The following ARHGEF38 variants were observed in gnomAD, a reference collection of about 807,000 sequenced individuals.
The protein encoded by ARHGEF38 is Rho guanine nucleotide exchange factor 38.
ARHGEF38 carries 79 observed loss-of-function variants against 79.9 expected under a neutral mutation model. The ratio of observed to expected loss-of-function variants is 0.99; its 90% CI spans 0.82 to 1.19. The LOEUF (loss-of-function observed/expected upper bound fraction) is 1.19, where lower values mean the gene tolerates loss of function less well. ARHGEF38 is among the 50% of genes most tolerant of loss of function. The pLI, the probability that ARHGEF38 is intolerant of heterozygous loss-of-function variation, is 0.00. For missense variants in ARHGEF38, 962 were observed against 907.2 expected, an observed-to-expected ratio of 1.06 and a Z score of -0.78; for synonymous variants, 366 against 328.3, an observed-to-expected ratio of 1.11 and a Z score of -1.24.
chr4:105,654,042 A>T, intron 7 of ARHGEF38, 23 bp from the exon 8 acceptor site: 1 of 1,321,334 alleles, frequency 7.6e-7, no homozygotes, highest in Admixed American at 2.3e-5. Flanking sequence ...TGAGTTATGA[A>T]AATAATTTCA....
intron 3 of ARHGEF38, among the ~76,000 whole-genome samples, chr4:105,627,886 G>T (rs759005513): frequency 1.3e-5 from 2 of 152,174 alleles, no homozygotes; most frequent in Non-Finnish European, 2.9e-5. Flanking sequence ...CATTGGTAGG[G>T]CTGGGAGGGG....
chr4:105,654,679 G>C (rs1272783286), intron 8 of ARHGEF38, among the ~76,000 whole-genome samples: 1 of 152,138 alleles, frequency 6.6e-6, no homozygotes, highest in Non-Finnish European at 1.5e-5. Context: ...AAGTTGTCCT[G>C]ACCCTTTGAG....
intron 1 of ARHGEF38, among the ~76,000 whole-genome samples, chr4:105,588,565 C>G (rs996149708): frequency 6.6e-6 from 1 of 152,122 alleles, no homozygotes; most frequent in Non-Finnish European, 1.5e-5. Flanking sequence ...GTGAGGCTTC[C>G]CATTTATCTC....
intron 5 of ARHGEF38, 40 bp from the exon 6 acceptor site, chr4:105,645,148 C>A: frequency 3.2e-6 from 4 of 1,244,944 alleles, no homozygotes; most frequent in East Asian, 2.9e-5. Flanking sequence ...GTTAATAAAA[C>A]ATATGTTTGT....
chr4:105,595,272 A>G (rs1283767222), intron 2 of ARHGEF38, among the ~76,000 whole-genome samples: 1 of 152,164 alleles, frequency 6.6e-6, no homozygotes, highest in Non-Finnish European at 1.5e-5. Context: ...TTTTATTTCT[A>G]TAACAAGAAA....
intron 1 of ARHGEF38, among the ~76,000 whole-genome samples, chr4:105,574,477 G>A (rs1190921732): frequency 6.6e-6 from 1 of 151,602 alleles, no homozygotes; most frequent in Non-Finnish European, 1.5e-5. Flanking sequence ...TTGACCCCAG[G>A]TGGCAGAGGT....
chr4:105,670,611 A>G (rs1190745386), intron 13 of ARHGEF38, among the ~76,000 whole-genome samples: 1 of 152,098 alleles, frequency 6.6e-6, no homozygotes, highest in Non-Finnish European at 1.5e-5. Context: ...TTGTCTGGAC[A>G]TTACTATTTG....
intron 1 of ARHGEF38, among the ~76,000 whole-genome samples, chr4:105,582,108 T>G (rs1449518575): frequency 3.6e-5 from 5 of 139,658 alleles, no homozygotes; most frequent in Non-Finnish European, 7.5e-5. Context: ...GAGGTTACAG[T>G]GAGCCAAAAT....
intron 3 of ARHGEF38, among the ~76,000 whole-genome samples, chr4:105,619,978 G>C (rs566966249): frequency 6.6e-6 from 1 of 152,246 alleles, no homozygotes; most frequent in East Asian, 1.9e-4. Context: ...TAGTGCCAAA[G>C]GGAGAATTTT....
At chr4:105,659,469 G>C in intron 10 of ARHGEF38, 104 bp downstream of exon 10, 2 of 1,092,602 alleles carry the variant, frequency 1.8e-6, no homozygotes, top group Non-Finnish European at 2.5e-6. Context: ...TGTATGCCGT[G>C]TGGTGTGTGT....
intron 1 of ARHGEF38, among the ~76,000 whole-genome samples, chr4:105,568,056 G>A (rs1171364517): frequency 6.7e-6 from 1 of 149,450 alleles, no homozygotes; most frequent in Non-Finnish European, 1.5e-5. Flanking sequence ...TCTTGCGATA[G>A]TTTACTGAGA....
At position 105,667,216 on chromosome 4, in the gene ARHGEF38, T is replaced by G; in HGVS notation, c.1777T>G (p.Cys593Gly). The stretch of plus-strand genomic sequence containing the variant: ...GGAACTCTATCAAGCTAAGCGCAAG[T>G]GCAATGCTACACAAGAATATGACAT... The part of the protein sequence containing the change: ...AEELYQAKRK[C>G]NATQEYDINL... The change falls in exon 12 of 14, where the codon TGC becomes GGC. Residue 593 changes from cysteine to glycine, a missense_variant. Coordinates refer to ENST00000420470, the MANE Select transcript of ARHGEF38 (RefSeq NM_001242729.2). 1 of 1,536,038 alleles carries G rather than the reference T, an allele frequency of 6.5e-7. No homozygotes were observed. Among genetic ancestry groups the G allele is most frequent in the East Asian group, 2.4e-5 (1 of 40,924 alleles).
chr4:105,670,843 G>T (rs974032711), intron 13 of ARHGEF38, among the ~76,000 whole-genome samples: 5 of 152,160 alleles, frequency 3.3e-5, no homozygotes, highest in Non-Finnish European at 5.9e-5. Flanking sequence ...ACACTCTAAA[G>T]CTGGCTTGAT....
chr4:105,579,772 T>C (rs1000947909), intron 1 of ARHGEF38, among the ~76,000 whole-genome samples: 1 of 152,166 alleles, frequency 6.6e-6, no homozygotes, highest in Non-Finnish European at 1.5e-5. Context: ...GAGTGCCTCC[T>C]CCTCAATTTT....
At chr4:105,682,534 A>G (rs1731346129), downstream of ARHGEF38, 1 of 523,124 alleles carries the variant, frequency 1.9e-6, no homozygotes, top group Admixed American at 3.3e-5. Context: ...TATGGAAATC[A>G]TTAGAATAAA....
intron 1 of ARHGEF38, among the ~76,000 whole-genome samples, chr4:105,558,809 A>T (rs960387358): frequency 7.2e-6 from 1 of 138,160 alleles, no homozygotes; most frequent in Admixed American, 7.4e-5. Flanking sequence ...CACAATTTCT[A>T]GTTGTGCTTT....
At chr4:105,623,650 T>C (rs1728828593) in intron 3 of ARHGEF38, among the ~76,000 whole-genome samples, 1 of 152,234 alleles carries the variant, frequency 6.6e-6, no homozygotes, top group Non-Finnish European at 1.5e-5. Context: ...CATCGTGAGC[T>C]ATCATCAAAA....
chr4:105,676,284 T>C lies in ARHGEF38; in HGVS notation c.2149-1468T>C, dbSNP rs561881975. Among the ~76,000 whole-genome samples, 18 of 152,360 alleles carry C rather than the reference T, an allele frequency of 1.2e-4. No homozygotes were observed. In the South Asian group the frequency reaches 3.3e-3, roughly 28 times the overall value. On this transcript the variant is annotated intron_variant, in intron 13 of 13. Transcript: ENST00000420470. ...GTATTCATCTCCGTACCTTCAAATA[T>C]GACATATTCATGCCTTTTGTCAGCT...
In ARHGEF38 at chr4:105,589,931, T is replaced by C. The variant is rs898932732; in HGVS notation, c.384+496T>C. Among the ~76,000 whole-genome samples the C allele has an allele frequency of 2.0e-5, 3 of 151,322 alleles. No individual in the cohort carries two copies. In the South Asian group the frequency reaches 6.3e-4, roughly 32 times the overall value. Reference sequence around the variant, plus strand: ...GCACACGCCTGTAATCCCAGCTACTTGGGAAGCTGAGGCAAGAGAATTGCT... The same window carrying C: ...GCACACGCCTGTAATCCCAGCTACTCGGGAAGCTGAGGCAAGAGAATTGCT... On this transcript the variant is annotated intron_variant, in intron 2 of 13. Coordinates refer to ENST00000420470, the MANE Select transcript of ARHGEF38 (RefSeq NM_001242729.2).
Sources: gnomAD v4.1 joint callset for allele counts (sites outside exome capture counted in the v4.1 genomes callset) on GRCh38, gnomAD v4.1.1 for gene constraint, MANE v1.5 for transcripts, NCBI Gene and HGNC (gene_info 2026-07-23, HGNC 2026-07-21) for gene names.